Variants in SORBS2 observed in about 807,000 individuals in gnomAD.
SORBS2 encodes sorbin and SH3 domain-containing protein 2.
In SORBS2, 46 loss-of-function variants were observed where a neutral mutation model predicts 97.7. That is an observed-to-expected ratio of 0.47 (90% CI 0.37 to 0.60). The LOEUF is 0.60. Ranked by LOEUF, SORBS2 falls within the 20% of genes least tolerant of loss-of-function variation. The pLI, the probability that SORBS2 is intolerant of heterozygous loss-of-function variation, is 0.00. For missense variants in SORBS2, 1,316 were observed against 1,282.3 expected, an observed-to-expected ratio of 1.03 and a Z score of -0.40; for synonymous variants, 476 against 473.4, an observed-to-expected ratio of 1.01 and a Z score of -0.07.
intron 2 of SORBS2, 90 bp downstream of exon 11, chr4:185,651,694 C>G (rs939469275): frequency 1.0e-5 from 8 of 791,146 alleles, no homozygotes; most frequent in Non-Finnish European, 1.8e-5. Flanking sequence ...AACATGTGCT[C>G]AAACAGAAGG....
intron 1 of SORBS2, among the ~76,000 whole-genome samples, chr4:185,948,811 C>G (rs59137517): frequency 0.026 from 3,922 of 151,926 alleles, 189 homozygotes; most frequent in African/African-American, 0.09. Flanking sequence ...AGCCACCACG[C>G]CAGGCTATGA....
At chr4:185,612,039 A>G in intron 11 of SORBS2, 59 bp from the exon 24 acceptor site, 2 of 1,196,624 alleles carry the variant, frequency 1.7e-6, no homozygotes, top group Non-Finnish European at 2.4e-6. Flanking sequence ...TGAAAATATA[A>G]TTGTCAATGT....
chr4:185,602,781 A>G (rs1580707587), intron 12 of SORBS2, among the ~76,000 whole-genome samples: 1 of 152,208 alleles, frequency 6.6e-6, no homozygotes, highest in Non-Finnish European at 1.5e-5. Context: ...GCAGAATTAA[A>G]CTATAATGGC....
Position 185,810,743 on chromosome 4 carries a change from C to T in SORBS2, c.-337-35377G>A, listed in dbSNP as rs1332995191. On this transcript the variant is annotated intron_variant, in intron 1 of 20. Transcript: ENST00000284776. ...TAAGAGACTATAAATCAAGGAAATA[C>T]TCACTACCAGGCAATTCCTCCTGCA... is the stretch of plus-strand genomic sequence containing the variant. 7 of 152,312 alleles carry T rather than the reference C, an allele frequency of 4.6e-5. No homozygotes were observed. In the East Asian group the frequency reaches 9.7e-4, roughly 21 times the overall value. 9.4% of individuals were successfully genotyped at this position (152,312 alleles called of 1,614,324 possible). A position where few individuals can be genotyped will look rare whatever the true frequency, so the allele number is the denominator to read the frequency against.
At chr4:185,927,481 C>A (rs11132365) in intron 1 of SORBS2, among the ~76,000 whole-genome samples, 1 of 148,702 alleles carries the variant, frequency 6.7e-6, no homozygotes, top group East Asian at 2.0e-4. Flanking sequence ...TTCCACTCCC[C>A]GTGTCCATGT....
chr4:185,900,593 G>T (rs76807396), intron 1 of SORBS2, among the ~76,000 whole-genome samples: 11,919 of 152,122 alleles, frequency 0.078, 582 homozygotes, highest in Non-Finnish European at 0.1. Context: ...AGGTTATATA[G>T]AGAGAGAAAA....
chr4:185,636,961 T>C (rs1476561928), intron 4 of SORBS2, among the ~76,000 whole-genome samples: 1 of 152,198 alleles, frequency 6.6e-6, no homozygotes, highest in East Asian at 1.9e-4. Flanking sequence ...GTTGACTCTT[T>C]ATCCCAAACA....
intron 1 of SORBS2, among the ~76,000 whole-genome samples, chr4:185,840,786 G>A (rs550768067): frequency 4.9e-4 from 75 of 152,262 alleles, no homozygotes; most frequent in Middle Eastern, 6.8e-3. Flanking sequence ...ACTTGATACC[G>A]AGATGAAGGC....
intron 2 of SORBS2, among the ~76,000 whole-genome samples, chr4:185,719,440 A>G (rs960865868): frequency 3.9e-5 from 6 of 152,234 alleles, no homozygotes; most frequent in African/African-American, 1.2e-4. Flanking sequence ...GTTTTGTGAC[A>G]TATAGAGTAA....
At chr4:185,678,758 A>T (rs753579188) in intron 3 of SORBS2, 38 bp downstream of exon 6, 3 of 1,375,810 alleles carry the variant, frequency 2.2e-6, no homozygotes, top group East Asian at 2.6e-5. Context: ...TAAAAGTCAC[A>T]AATAATATAA....
chr4:185,856,518 T>C (rs919750213), intron 1 of SORBS2, among the ~76,000 whole-genome samples: 3 of 152,212 alleles, frequency 2.0e-5, no homozygotes, highest in Admixed American at 6.5e-5. Context: ...TATAAATCTC[T>C]AGATTTTTGA....
At chr4:185,918,315 T>C (rs1465892694) in intron 1 of SORBS2, 2 of 152,248 alleles carry the variant, frequency 1.3e-5, no homozygotes, top group African/African-American at 4.8e-5. Context: ...TCGTACGTTT[T>C]CATGGTTACA....
At chr4:185,835,314 A>G (rs1163211412) in intron 1 of SORBS2, among the ~76,000 whole-genome samples, 2 of 152,234 alleles carry the variant, frequency 1.3e-5, no homozygotes, top group African/African-American at 4.8e-5. Flanking sequence ...ATTTTATGAG[A>G]AAGGAAGTAA....
chr4:185,717,044 G>C (rs1431166013), intron 2 of SORBS2, among the ~76,000 whole-genome samples: 1 of 152,214 alleles, frequency 6.6e-6, no homozygotes, highest in East Asian at 1.9e-4. Context: ...AACTGTCCGA[G>C]CTTAGGACAC....
At chr4:185,592,175 C>CT (rs1487935500) in intron 13 of SORBS2, 1 of 152,642 alleles carries the variant, frequency 6.6e-6, no homozygotes, top group East Asian at 1.9e-4. Flanking sequence ...TAACTTGCAA[C>CT]TTTTTCTAGA....
chr4:185,738,605 C>A (rs1434558169), intron 2 of SORBS2, among the ~76,000 whole-genome samples: 1 of 152,140 alleles, frequency 6.6e-6, no homozygotes, highest in African/African-American at 2.4e-5. Context: ...AGGATTTTTT[C>A]TTTTCTAAGA....
chr4:185,639,664 T>C (rs2097094680), intron 4 of SORBS2, among the ~76,000 whole-genome samples: 1 of 152,198 alleles, frequency 6.6e-6, no homozygotes, highest in Non-Finnish European at 1.5e-5. Flanking sequence ...ACTAATTAAA[T>C]GTGGTACAAT....
At chr4:185,715,100 A>G (rs190682856) in intron 2 of SORBS2, among the ~76,000 whole-genome samples, 1 of 152,320 alleles carries the variant, frequency 6.6e-6, no homozygotes, top group East Asian at 1.9e-4. Context: ...ATCTCCATGA[A>G]TTTGTTTGCA....
chr4:185,690,626 TG>T lies in SORBS2; in HGVS notation c.-197-11805del. ...CTTCAGTTTTCCTGTAGGAAAAAAA[TG>T]GTGCATAATTGTTCACTAGCATGTG... is the stretch of plus-strand genomic sequence containing the variant. On this transcript the variant is annotated intron_variant, in intron 2 of 20. Transcript: ENST00000284776. The T allele has an allele frequency of 8.0e-7, 1 of 1,248,278 alleles. No individual in the cohort carries two copies. Among genetic ancestry groups the T allele is most frequent in the Non-Finnish European group, 1.1e-6 (1 of 893,760 alleles). The allele number at this position is 1,248,278 out of a possible 1,614,324, so 77.3% of individuals were successfully genotyped here.
Sources: gnomAD v4.1 joint callset for allele counts (sites outside exome capture counted in the v4.1 genomes callset) on GRCh38, gnomAD v4.1.1 for gene constraint, MANE v1.5 for transcripts, NCBI Gene and HGNC (gene_info 2026-07-23, HGNC 2026-07-21) for gene names.